The following KLK5 variants were observed in gnomAD, a reference collection of about 807,000 sequenced individuals.
KLK5 encodes the protein kallikrein related peptidase 5.
KLK5 carries 18 observed loss-of-function variants against 24.0 expected under a neutral mutation model. The ratio of observed to expected loss-of-function variants is 0.75; its 90% CI spans 0.52 to 1.11. KLK5 has a LOEUF of 1.11. Ranked by LOEUF, KLK5 falls within the 50% of genes most tolerant of loss-of-function variation. The pLI, the probability that KLK5 is intolerant of heterozygous loss-of-function variation, is 0.00. For missense variants in KLK5, 374 were observed against 379.2 expected (o/e 0.99, Z 0.11); for synonymous variants, 140 against 154.0 (o/e 0.91, Z 0.67).
chr19:50,945,240 C>T (rs1217666441), intron 5 of KLK5, among the ~76,000 whole-genome samples: 1 of 150,858 alleles, frequency 6.6e-6, no homozygotes, highest in Non-Finnish European at 1.5e-5. Flanking sequence ...TCCCAAGTAG[C>T]TGGAACTACA....
intron 5 of KLK5, among the ~76,000 whole-genome samples, chr19:50,944,199 G>A (rs1439367326): frequency 6.6e-6 from 1 of 151,920 alleles, no homozygotes; most frequent in African/African-American, 2.4e-5. Flanking sequence ...TAGAGACGGG[G>A]TTTCACCATG....
At chr19:50,946,137 G>A (rs770903248) in intron 5 of KLK5, among the ~76,000 whole-genome samples, 1 of 152,248 alleles carries the variant, frequency 6.6e-6, no homozygotes, top group Non-Finnish European at 1.5e-5. Context: ...TTAGCTGCCT[G>A]TACCTCTAAA....
intron 2 of KLK5, 71 bp downstream of exon 2, chr19:50,952,514 G>C: frequency 8.6e-7 from 1 of 1,159,374 alleles, no homozygotes; most frequent in South Asian, 1.5e-5. Flanking sequence ...TTCCCCAGGG[G>C]ACAGGCGCTC....
chr19:50,944,016 T>A (rs968415468), intron 5 of KLK5, among the ~76,000 whole-genome samples: 4 of 151,982 alleles, frequency 2.6e-5, no homozygotes, highest in African/African-American at 4.8e-5. Context: ...CAGCTTTTTT[T>A]TTTTTGAGAT....
intron 5 of KLK5, among the ~76,000 whole-genome samples, chr19:50,944,171 T>G (rs1013421273): frequency 6.6e-6 from 1 of 151,924 alleles, no homozygotes; most frequent in Non-Finnish European, 1.5e-5. Context: ...ACCCGGCTAA[T>G]TTTTTGTATT....
intron 3 of KLK5, 116 bp downstream of exon 3, chr19:50,949,739 A>ACCCCCCTTC: frequency 2.3e-6 from 1 of 432,332 alleles, no homozygotes. Flanking sequence ...GACACCCCCA[A>ACCCCCCTTC]CCCCACTTCC....
Position 50,952,613 on chromosome 19 carries a change from C to A in KLK5, c.45G>T (p.Leu15=), listed in dbSNP as rs139513557. 15 of 1,605,780 alleles carry A rather than the reference C, an allele frequency of 9.3e-6. No individual in the cohort carries two copies. The African/African-American group carries it at 1.9e-4, about 20-fold the overall frequency. Residue 15 remains leucine (L), a synonymous_variant, in exon 2 of 6, where the codon CTG becomes CTT. Coordinates refer to ENST00000336334, the MANE Select transcript of KLK5 (RefSeq NM_012427.5). ...RPPWMWVLCA[L]ITALLLGVTE... is the part of the protein sequence containing the mutation. ...TGACCCCCAGAAGCAAGGCTGTGATCAGAGCACAGAGCACCCACATCCAGG... is the reference window on the plus strand; with the variant it reads ...TGACCCCCAGAAGCAAGGCTGTGATAAGAGCACAGAGCACCCACATCCAGG...
chr19:50,944,475 C>T (rs920510082), intron 5 of KLK5, among the ~76,000 whole-genome samples: 49 of 151,932 alleles, frequency 3.2e-4, no homozygotes, highest in African/African-American at 1.1e-3. Context: ...TGTATCTCTC[C>T]GCCTCCCTTT....
rs541530809 is a variant in KLK5 at position 50,950,015 on chromosome 19, G to A, written c.175C>T (p.Arg59Trp). ...ATGCGGCTGCTGCTGTCATCCGACCGGGCGTCTTCCCCGGCCCCAGCTCCC... is the reference window on the plus strand; with the variant it reads ...ATGCGGCTGCTGCTGTCATCCGACCAGGCGTCTTCCCCGGCCCCAGCTCCC... ...DLGAGAGEDARSDDSSSRIIN... is the reference protein window; with the variant it reads ...DLGAGAGEDAWSDDSSSRIIN... The change falls in exon 3 of 6, where the codon CGG (arginine) becomes TGG (tryptophan). Residue 59 changes from arginine to tryptophan, a missense_variant. By Grantham distance (101) the Arg-to-Trp change is moderately radical (BLOSUM62 -3). Coordinates refer to ENST00000336334, the MANE Select transcript of KLK5 (RefSeq NM_012427.5). 1.1e-5 allele frequency: 18 copies of A among 1,613,492 alleles called. No individual in the cohort carries two copies. Among genetic ancestry groups the A allele is most frequent in the Non-Finnish European group, 1.4e-5 (17 of 1,179,902 alleles).
rs771493844 is a variant in KLK5 at position 50,943,810 on chromosome 19, G to A, written c.727-24C>T. On this transcript the variant is annotated intron_variant, in intron 5 of 5. Coordinates refer to ENST00000336334, the MANE Select transcript of KLK5 (RefSeq NM_012427.5). ...CCCTGCAGGAGAGAAAGGGGGGCAT[G>A]AGAGAGGCAGAGATGTGGCAAAGTG... 3.1e-5 allele frequency: 49 copies of A among 1,588,882 alleles called. 1 individual carries two copies. Among genetic ancestry groups the A allele is most frequent in the African/African-American group, 1.3e-4 (10 of 74,348 alleles).
chr19:50,945,060 C>CTCCTTCCTTCCTTTCTTTCTCCT (rs2090619880), intron 5 of KLK5, among the ~76,000 whole-genome samples: 1 of 132,936 alleles, frequency 7.5e-6, no homozygotes, highest in African/African-American at 3.1e-5. Flanking sequence ...TCCTTTCTTT[C>CTCCTTCCTTCCTTTCTTTCTCCT]TCCTTCCTTC....
chr19:50,949,137 A>C (rs1600074188), intron 3 of KLK5, 22 bp from the exon 4 acceptor site: 1 of 1,606,626 alleles, frequency 6.2e-7, no homozygotes, highest in African/African-American at 1.3e-5. Context: ...GGGGCAGGTC[A>C]CCACCAACCC....
At chr19:50,951,000 G>A (rs1476584642) in intron 2 of KLK5, among the ~76,000 whole-genome samples, 1 of 151,832 alleles carries the variant, frequency 6.6e-6, no homozygotes, top group Non-Finnish European at 1.5e-5. Flanking sequence ...GGGTCCACTA[G>A]AGTCTGGCCT....
rs376576622 is a variant in KLK5, at chr19:50,950,014, C to T, written c.176G>A (p.Arg59Gln). The T allele has an allele frequency of 9.9e-6, 16 of 1,613,464 alleles. No homozygotes were observed. The highest frequency in any genetic ancestry group is 9.4e-5 in the African/African-American group (7 of 74,780). Reference protein sequence around the residue: ...DLGAGAGEDARSDDSSSRIIN... With the variant: ...DLGAGAGEDAQSDDSSSRIIN... ...GATGCGGCTGCTGCTGTCATCCGAC[C>T]GGGCGTCTTCCCCGGCCCCAGCTCC... Residue 59 changes from arginine to glutamine, a missense_variant, in exon 3 of 6, where the codon CGG (arginine) becomes CAG (glutamine). By Grantham distance (43) the Arg-to-Gln change is conservative (BLOSUM62 1). Coordinates refer to ENST00000336334, the MANE Select transcript of KLK5 (RefSeq NM_012427.5).
At chr19:50,945,721 G>A (rs557441884) in intron 5 of KLK5, among the ~76,000 whole-genome samples, 2 of 151,902 alleles carry the variant, frequency 1.3e-5, no homozygotes, top group African/African-American at 4.8e-5. Context: ...AACCCAGGAG[G>A]CGCATGCTGC....
intron 5 of KLK5, among the ~76,000 whole-genome samples, chr19:50,944,080 T>C (rs2090610954): frequency 6.6e-6 from 1 of 151,988 alleles, no homozygotes; most frequent in South Asian, 2.1e-4. Flanking sequence ...CTCAGCTCAC[T>C]GCAGCCTCCA....
At chr19:50,950,277 G>C (rs557705602) in intron 2 of KLK5, 161 bp from the exon 3 acceptor site, 5 of 667,086 alleles carry the variant, frequency 7.5e-6, no homozygotes, top group Non-Finnish European at 1.3e-5. Flanking sequence ...TCAAGCCCAG[G>C]CTCAAGCTCA....
At chr19:50,948,549 G>T in intron 5 of KLK5, 91 bp downstream of exon 5, 1 of 1,324,372 alleles carries the variant, frequency 7.6e-7, no homozygotes, top group Non-Finnish European at 1.1e-6. Context: ...GACTGTCTTG[G>T]CAATTGCTGG....
In KLK5 at chr19:50,948,866, G is replaced by A. The variant is rs1422000038; in HGVS notation, c.585C>T (p.Ser195=). Residue 195 remains serine, a synonymous_variant, in exon 4 of 6, where the codon AGC becomes AGT. Transcript: ENST00000336334. ...CLVSGWGTTK[S]PQVHFPKVLQ... ...AAGAACCTGGACACTCACCTTGGGGGCTCTTGGTTGTCCCCCAGCCAGACA... is the reference window on the plus strand; with the variant it reads ...AAGAACCTGGACACTCACCTTGGGGACTCTTGGTTGTCCCCCAGCCAGACA... The A allele has an allele frequency of 7.4e-6, 12 of 1,614,084 alleles. No homozygotes were observed. The highest frequency in any genetic ancestry group is 1.0e-5 in the Non-Finnish European group (12 of 1,180,020).
Sources: allele counts gnomAD v4.1 joint callset (sites outside exome capture counted in the v4.1 genomes callset), GRCh38; gene constraint gnomAD v4.1.1; transcripts MANE v1.5; gene names NCBI Gene and HGNC (gene_info 2026-07-23, HGNC 2026-07-21).